Variants in VPS16 observed in about 807,000 individuals in gnomAD.
VPS16 encodes VPS16 core subunit of CORVET and HOPS complexes, also known as vacuolar protein sorting-associated protein 16 homolog.
In VPS16, 82 loss-of-function variants were observed where a neutral mutation model predicts 116.0. The ratio of observed to expected loss-of-function variants is 0.71; its 90% CI spans 0.59 to 0.85. The LOEUF is 0.85. Ranked by LOEUF, VPS16 falls within the 40% of genes least tolerant of loss-of-function variation. The pLI, the probability that VPS16 is intolerant of heterozygous loss-of-function variation, is 0.00. For synonymous variants in VPS16, 406 were observed against 420.7 expected (o/e 0.96, Z 0.43); for missense variants, 928 against 1,090.6 (o/e 0.85, Z 2.10).
rs2089214064 is a variant in VPS16 at position 2,860,370 on chromosome 20, A to AG, written c.369+7dup. Reference sequence around the variant, plus strand: ...GGAGACACTTCAGCATGGGCAATGTAGGGGTCACAGAGGGCTGGGGACGCG... The same window carrying AG: ...GGAGACACTTCAGCATGGGCAATGTAGGGGGTCACAGAGGGCTGGGGACGCG... On this transcript the variant is annotated splice_donor_region_variant and intron_variant, in intron 4 of 23. Coordinates refer to ENST00000380445, the MANE Select transcript of VPS16 (RefSeq NM_022575.4). The surrounding 1 kb of genome is among the most constrained non-coding windows in gnomAD (Gnocchi z 6.1). The AG allele has an allele frequency of 6.2e-7, 1 of 1,614,072 alleles. No homozygotes were observed.
intron 11 of VPS16, 78 bp downstream of exon 11, chr20:2,862,208 T>C (rs1187852360): frequency 6.6e-7 from 1 of 1,511,512 alleles, no homozygotes; most frequent in Non-Finnish European, 9.0e-7. Context: ...CATAGCCAGG[T>C]GCCACCTGTC....
Position 2,842,864 on chromosome 20 carries a change from CGATAGATAGATAGATGTATCTATCGA to C in VPS16, c.53+2038_53+2063del, listed in dbSNP as rs2089015700. ...TCTATCGATAGATAGATGTATCTAT[CGATAGATAGATAGATGTATCTATCGA>C]TAGATAGATAGATATATGTTATGGA... is the stretch of plus-strand genomic sequence containing the variant. On this transcript the variant is annotated intron_variant, in intron 1 of 23. Transcript: ENST00000380445. Among the ~76,000 whole-genome samples, 13 of 36,734 alleles carry C rather than the reference CGATAGATAGATAGATGTATCTATCGA, an allele frequency of 3.5e-4. 2 individuals carry two copies. The South Asian group carries it at 5.3e-3, about 15-fold the overall frequency. 24.1% of individuals were successfully genotyped at this position (36,734 alleles called of 152,430 possible).
At chr20:2,851,292 A>G (rs986485578) in intron 1 of VPS16, among the ~76,000 whole-genome samples, 1 of 152,210 alleles carries the variant, frequency 6.6e-6, no homozygotes, top group Non-Finnish European at 1.5e-5. Flanking sequence ...TGCAGGCAGG[A>G]GGCCTGCAAC....
chr20:2,865,567 A>T lies in VPS16; in HGVS notation c.2271+72A>T, dbSNP rs2089323173. The T allele has an allele frequency of 7.0e-7, 1 of 1,419,778 alleles. No individual in the cohort carries two copies. The highest frequency in any genetic ancestry group is 9.7e-7 in the Non-Finnish European group (1 of 1,031,520). 87.9% of individuals were successfully genotyped at this position (1,419,778 alleles called of 1,614,324 possible). On this transcript the variant is annotated intron_variant, in intron 22 of 23. Transcript: ENST00000380445. The surrounding 1 kb of genome is among the most constrained non-coding windows in gnomAD (Gnocchi z 5.2). ...TCGGGAGAGAGGGCTAGGCAGGGAG[A>T]CAGATAGGATGGCCCGTTCATGCTC... is the stretch of plus-strand genomic sequence containing the variant.
At chr20:2,849,563 C>T (rs556357605) in intron 1 of VPS16, among the ~76,000 whole-genome samples, 48 of 151,900 alleles carry the variant, frequency 3.2e-4, no homozygotes, top group South Asian at 4.2e-4. Flanking sequence ...CCTCCCAAAA[C>T]GCTGAGATTA....
Position 2,858,100 on chromosome 20 carries a change from G to GT in VPS16, c.54-1607dup, listed in dbSNP as rs1301349502. On this transcript the variant is annotated intron_variant, in intron 1 of 23. Coordinates refer to ENST00000380445, the MANE Select transcript of VPS16 (RefSeq NM_022575.4). ...TTCATTGTTCCCTAGACTACTTTGG[G>GT]TTTTTTTTTTTTGAGACAGGGTCTC... Among the ~76,000 whole-genome samples, 394 of 138,768 alleles carry GT rather than the reference G, an allele frequency of 2.8e-3. 2 individuals are homozygous for GT. The highest frequency in any genetic ancestry group is 3.8e-3 in the Admixed American group (53 of 13,918). 91.0% of individuals were successfully genotyped at this position (138,768 alleles called of 152,430 possible). A position where few individuals can be genotyped will look rare whatever the true frequency, so the allele number is the denominator to read the frequency against.
intron 1 of VPS16, among the ~76,000 whole-genome samples, chr20:2,850,343 A>G (rs1313128445): frequency 2.0e-5 from 3 of 150,076 alleles, no homozygotes; most frequent in Admixed American, 1.3e-4. Flanking sequence ...AAACAAAACA[A>G]AAAGGCCGGA....
At chr20:2,862,750 A>T in intron 12 of VPS16, 40 bp downstream of exon 12, 6 of 254,982 alleles carry the variant, frequency 2.4e-5, no homozygotes, top group Non-Finnish European at 4.0e-5. Context: ...TGGGGCTGGG[A>T]GGGGGTGGGA....
chr20:2,853,110 G>C lies in VPS16; in HGVS notation c.54-6609G>C, dbSNP rs528594228. ...ATGCCATCTCAAGAAACCACTTTCA[G>C]CCGGGCATGGTGGCTCACACTTGTA... On this transcript the variant is annotated intron_variant, in intron 1 of 23. Coordinates refer to ENST00000380445, the MANE Select transcript of VPS16 (RefSeq NM_022575.4). Among the ~76,000 whole-genome samples the C allele has an allele frequency of 2.0e-5, 3 of 152,304 alleles. No individual in the cohort carries two copies. In the South Asian group the frequency reaches 6.2e-4, roughly 32 times the overall value.
Position 2,863,499 on chromosome 20 carries a change from A to C in VPS16, c.1476+101A>C. 2.5e-6 allele frequency: 3 copies of C among 1,196,860 alleles called. No homozygotes were observed. Among genetic ancestry groups the C allele is most frequent in the Non-Finnish European group, 3.6e-6 (3 of 832,318 alleles). 74.1% of individuals were successfully genotyped at this position (1,196,860 alleles called of 1,614,324 possible). Reference sequence around the variant, plus strand: ...AGAACTGCGCTGGGCACGGTGGCTCATGCCTGTAATCCCAACACTTTGGGA... The same window carrying C: ...AGAACTGCGCTGGGCACGGTGGCTCCTGCCTGTAATCCCAACACTTTGGGA... On this transcript the variant is annotated intron_variant, in intron 15 of 23. Coordinates refer to ENST00000380445, the MANE Select transcript of VPS16 (RefSeq NM_022575.4). The surrounding 1 kb of genome is among the most constrained non-coding windows in gnomAD (Gnocchi z 4.4).
intron 1 of VPS16, among the ~76,000 whole-genome samples, chr20:2,859,299 G>A (rs1304730852): frequency 1.3e-5 from 2 of 152,138 alleles, no homozygotes; most frequent in Non-Finnish European, 2.9e-5. Context: ...AAAAAAGAAG[G>A]ACTAGAAATA....
At chr20:2,858,732 C>A (rs2089198797) in intron 1 of VPS16, among the ~76,000 whole-genome samples, 1 of 152,118 alleles carries the variant, frequency 6.6e-6, no homozygotes, top group South Asian at 2.1e-4. Context: ...CCTACTCCAA[C>A]TTCCCATGCA....
chr20:2,862,342 C>A (rs751995278), intron 11 of VPS16: 2 of 992,372 alleles, frequency 2.0e-6, no homozygotes, highest in African/African-American at 1.6e-5. Flanking sequence ...CTATCCCCAC[C>A]CAGTCTGGGT....
rs1599967288 is a variant in VPS16 at position 2,842,829 on chromosome 20, T to TATAGATGTATCTATCGATAG, written c.53+2029_53+2048dup. ...AGATGTATCTATCTATAGATAGACA[T>TATAGATGTATCTATCGATAG]ATAGATGTATCTATCGATAGATAGA... is the stretch of plus-strand genomic sequence containing the variant. On this transcript the variant is annotated intron_variant, in intron 1 of 23. Coordinates refer to ENST00000380445, the MANE Select transcript of VPS16 (RefSeq NM_022575.4). 6.5e-3 allele frequency among the ~76,000 whole-genome samples: 22 copies of TATAGATGTATCTATCGATAG among 3,392 alleles called. 2 individuals carry two copies. Among genetic ancestry groups the TATAGATGTATCTATCGATAG allele is most frequent in the South Asian group, 0.036 (1 of 28 alleles). The allele number at this position is 3,392 out of a possible 152,430, so 2.2% of individuals were successfully genotyped here. A position where few individuals can be genotyped will look rare whatever the true frequency, so the allele number is the denominator to read the frequency against.
chr20:2,861,727 G>A (rs1316981174), intron 9 of VPS16, 23 bp downstream of exon 9: 14 of 1,612,118 alleles, frequency 8.7e-6, no homozygotes, highest in Non-Finnish European at 1.2e-5. Flanking sequence ...GGCTGCCTGT[G>A]TGTGGAGAGA....
chr20:2,861,244 A>T lies in VPS16; in HGVS notation c.773A>T (p.Asn258Ile). 1 of 1,614,192 alleles carries T rather than the reference A, an allele frequency of 6.2e-7. No homozygotes were observed. Among genetic ancestry groups the T allele is most frequent in the Non-Finnish European group, 8.5e-7 (1 of 1,180,036 alleles). Residue 258 changes from asparagine (N) to isoleucine (I), a missense_variant, in exon 8 of 24, where the codon AAC (asparagine) becomes ATC (isoleucine). Transcript: ENST00000380445. ...TTTCAGGAGAAGCTATGTGAGTTCAACTGCAACATCCGGGCACCTCCAAAG... is the reference window on the plus strand; with the variant it reads ...TTTCAGGAGAAGCTATGTGAGTTCATCTGCAACATCCGGGCACCTCCAAAG... ...ASLKEKLCEF[N>I]CNIRAPPKQM...
rs758954733 is a variant in VPS16, at chr20:2,861,684, C to T, written c.879C>T (p.Gly293=). Residue 293 remains glycine (G), a synonymous_variant, in exon 9 of 24, where the codon GGC becomes GGT. Transcript: ENST00000380445. ...GGGAAAGGCGGCTGATGGTGGTGGG[C>T]GATGCACCCGAGAGCATCCAGTATC... The part of the protein sequence containing the change: ...VAWERRLMVV[G]DAPESIQFVL... 3.0e-5 allele frequency: 48 copies of T among 1,612,766 alleles called. No individual in the cohort carries two copies. Among genetic ancestry groups the T allele is most frequent in the South Asian group, 2.6e-4 (24 of 90,858 alleles).
In VPS16 at chr20:2,864,713, C is replaced by T. The variant is rs367879152; in HGVS notation, c.1926+59C>T. ...GGCATGTGGGCTGGGGCTGTTGGTC[C>T]GGTTCCTTCAGGAATCTAGGCCTTC... On this transcript the variant is annotated intron_variant, in intron 19 of 23. Coordinates refer to ENST00000380445, the MANE Select transcript of VPS16 (RefSeq NM_022575.4). The surrounding 1 kb of genome is among the most constrained non-coding windows in gnomAD (Gnocchi z 5.2). 93 of 1,565,962 alleles carry T rather than the reference C, an allele frequency of 5.9e-5. No homozygotes were observed. The highest frequency in any genetic ancestry group is 4.7e-4 in the East Asian group (21 of 44,660).
intron 1 of VPS16, among the ~76,000 whole-genome samples, chr20:2,856,431 A>G (rs373494763): frequency 6.6e-6 from 1 of 152,182 alleles, no homozygotes; most frequent in African/African-American, 2.4e-5. Flanking sequence ...AAGTGAGCAC[A>G]TGCAGTTGGA....
Sources: allele counts gnomAD v4.1 joint callset (sites outside exome capture counted in the v4.1 genomes callset), GRCh38; gene constraint gnomAD v4.1.1; non-coding constraint Gnocchi (gnomAD v3.1); transcripts MANE v1.5; gene names NCBI Gene and HGNC (gene_info 2026-07-23, HGNC 2026-07-21).